GPD2: variants seen among roughly 807,000 people sequenced by gnomAD.
GPD2 encodes the protein glycerol-3-phosphate dehydrogenase, mitochondrial.
GPD2 carries 54 observed loss-of-function variants against 82.4 expected under a neutral mutation model. That is an observed-to-expected ratio of 0.66 (90% CI 0.53 to 0.82). GPD2 has a LOEUF of 0.82. Among genes scored for constraint, GPD2 ranks in the 40% least tolerant of loss-of-function variants. The probability of loss-of-function intolerance (pLI) is 0.00; values close to 1 mark genes in which losing one functional copy is unlikely to be tolerated. For synonymous variants in GPD2, 288 were observed against 306.1 expected (o/e 0.94, Z 0.62); for missense variants, 748 against 896.2 (o/e 0.83, Z 2.11).
intron 6 of GPD2, among the ~76,000 whole-genome samples, chr2:156,539,225 T>C (rs1320190401): frequency 1.3e-5 from 2 of 152,378 alleles, no homozygotes; most frequent in East Asian, 1.9e-4. Flanking sequence ...CTTTCACATA[T>C]GCTGGAATCT....
At chr2:156,565,125 C>T (rs1333512023) in intron 9 of GPD2, among the ~76,000 whole-genome samples, 4 of 152,020 alleles carry the variant, frequency 2.6e-5, no homozygotes, top group Admixed American at 6.6e-5. Context: ...CAAATTTACT[C>T]GCAAAGCCTA....
chr2:156,567,963 A>G (rs1687451229), intron 9 of GPD2, among the ~76,000 whole-genome samples: 1 of 152,156 alleles, frequency 6.6e-6, no homozygotes, highest in Admixed American at 6.6e-5. Context: ...AATATAATTC[A>G]AGTATAATGT....
chr2:156,430,351 A>C (rs139774013), upstream of GPD2, among the ~76,000 whole-genome samples: 1,396 of 152,344 alleles, frequency 9.2e-3, 10 homozygotes, highest in Non-Finnish European at 0.012. Flanking sequence ...AGAAAAAAAA[A>C]CAGAAAAACA....
intron 1 of GPD2, among the ~76,000 whole-genome samples, 197 bp from the exon 2 acceptor site, chr2:156,475,901 C>T (rs889874509): frequency 6.6e-6 from 1 of 152,120 alleles, no homozygotes; most frequent in African/African-American, 2.4e-5. Flanking sequence ...TTTATGTGAT[C>T]AATTCCCTTG....
intron 6 of GPD2, among the ~76,000 whole-genome samples, chr2:156,537,549 G>T (rs146370571): frequency 2.0e-3 from 308 of 152,280 alleles, no homozygotes; most frequent in African/African-American, 7.0e-3. Flanking sequence ...GTGTGACATT[G>T]TCTAATTTCT....
intron 1 of GPD2, among the ~76,000 whole-genome samples, chr2:156,437,029 G>A (rs1026813583): frequency 3.9e-5 from 6 of 152,186 alleles, no homozygotes; most frequent in African/African-American, 1.4e-4. Context: ...AGGTGTAGCT[G>A]GGTGAATGAA....
intron 6 of GPD2, among the ~76,000 whole-genome samples, chr2:156,536,739 G>A (rs1686097908): frequency 6.6e-6 from 1 of 152,320 alleles, no homozygotes; most frequent in East Asian, 1.9e-4. Flanking sequence ...AGGAGTGGCA[G>A]CAGTCCAAAC....
intron 6 of GPD2, among the ~76,000 whole-genome samples, chr2:156,522,120 A>C (rs1390245819): frequency 6.6e-6 from 1 of 152,078 alleles, no homozygotes; most frequent in African/African-American, 2.4e-5. Flanking sequence ...CACTGTGTCC[A>C]CCCAGGCTAA....
the GPD2 span, among the ~76,000 whole-genome samples, chr2:156,423,710 T>C: frequency 2.6e-5 from 4 of 152,360 alleles, no homozygotes; most frequent in African/African-American, 7.2e-5. Flanking sequence ...ATTTATTTAA[T>C]TGAAAAAGAA....
chr2:156,486,387 A>T (rs1432761854), intron 2 of GPD2, among the ~76,000 whole-genome samples: 1 of 152,222 alleles, frequency 6.6e-6, no homozygotes, highest in Non-Finnish European at 1.5e-5. Flanking sequence ...CTGAGCTATG[A>T]TTAACGTTGA....
intron 6 of GPD2, among the ~76,000 whole-genome samples, chr2:156,518,430 A>G (rs1685276496): frequency 1.3e-5 from 2 of 152,258 alleles, no homozygotes; most frequent in Admixed American, 6.5e-5. Flanking sequence ...TTAAATTGTT[A>G]CAGGTACAGC....
chr2:156,442,722 C>A (rs2105140768), intron 1 of GPD2, among the ~76,000 whole-genome samples: 1 of 152,102 alleles, frequency 6.6e-6, no homozygotes, highest in South Asian at 2.1e-4. Flanking sequence ...TCCTTTGAGC[C>A]TAGGAGGCCG....
chr2:156,482,571 G>A (rs1192223097), intron 2 of GPD2, among the ~76,000 whole-genome samples: 2 of 151,948 alleles, frequency 1.3e-5, no homozygotes, highest in East Asian at 1.9e-4. Context: ...TTTTTGGGGG[G>A]GATAAATCTG....
At chr2:156,462,437 C>T (rs1281351185) in intron 1 of GPD2, among the ~76,000 whole-genome samples, 1 of 150,122 alleles carries the variant, frequency 6.7e-6, no homozygotes, top group African/African-American at 2.4e-5. Flanking sequence ...AGGCATGCAA[C>T]ACCACACCCG....
chr2:156,479,118 T>TA (rs1683629742), intron 2 of GPD2, among the ~76,000 whole-genome samples: 1 of 152,242 alleles, frequency 6.6e-6, no homozygotes, highest in African/African-American at 2.4e-5. Context: ...GGTGATGAGA[T>TA]AGTACTATGA....
At position 156,476,089 on chromosome 2, in the gene GPD2, T is replaced by G. The variant is rs752500395; in HGVS notation, c.-8-9T>G. The stretch of plus-strand genomic sequence containing the variant: ...TTAACTTCTTTTTGTTTCTTATTTT[T>G]CTTTGTAGGCTAAGAAATGGCATTT... On this transcript the variant is annotated splice_polypyrimidine_tract_variant and intron_variant, in intron 1 of 16. Coordinates refer to ENST00000438166, the MANE Select transcript of GPD2 (RefSeq NM_000408.5). The G allele has an allele frequency of 6.9e-7, 1 of 1,446,612 alleles. No homozygotes were observed. Among genetic ancestry groups the G allele is most frequent in the Admixed American group, 1.7e-5 (1 of 59,810 alleles). The allele number at this position is 1,446,612 out of a possible 1,614,324, so 89.6% of individuals were successfully genotyped here. A position where few individuals can be genotyped will look rare whatever the true frequency, so the allele number is the denominator to read the frequency against.
chr2:156,452,946 C>T (rs1682666480), intron 1 of GPD2, among the ~76,000 whole-genome samples: 2 of 152,120 alleles, frequency 1.3e-5, no homozygotes. Flanking sequence ...CTAGTTGCAT[C>T]TACTTTACTT....
intron 1 of GPD2, among the ~76,000 whole-genome samples, chr2:156,439,549 A>AAAC (rs1682080347): frequency 7.1e-6 from 1 of 140,454 alleles, no homozygotes; most frequent in African/African-American, 2.7e-5. Flanking sequence ...ACAAAAAAAA[A>AAAC]AAAACAAGCC....
chr2:156,440,425 A>T (rs1035599041), intron 1 of GPD2, among the ~76,000 whole-genome samples: 1 of 152,240 alleles, frequency 6.6e-6, no homozygotes, highest in Non-Finnish European at 1.5e-5. Flanking sequence ...GGATGTTTAG[A>T]TAATGATTGT....
Sources: allele counts gnomAD v4.1 joint callset (sites outside exome capture counted in the v4.1 genomes callset), GRCh38; gene constraint gnomAD v4.1.1; transcripts MANE v1.5; gene names NCBI Gene and HGNC (gene_info 2026-07-23, HGNC 2026-07-21).